PADI4: variants seen among roughly 807,000 people sequenced by gnomAD.
PADI4 encodes the protein peptidyl arginine deiminase 4.
A neutral mutation model predicts 75.0 loss-of-function variants in PADI4; 62 were observed. That is an observed-to-expected ratio of 0.83 (90% CI 0.67 to 1.02). PADI4 has a LOEUF of 1.02. PADI4 is among the 50% of genes least tolerant of loss of function. The pLI is 0.00. For missense variants in PADI4, 845 were observed against 850.5 expected (o/e 0.99, Z 0.08); for synonymous variants, 361 against 348.1 (o/e 1.04, Z -0.41).
intron 8 of PADI4, among the ~76,000 whole-genome samples, chr1:17,343,579 C>A (rs2074461167): frequency 6.6e-6 from 1 of 152,184 alleles, no homozygotes; most frequent in African/African-American, 2.4e-5. Context: ...CCACCCAAAT[C>A]TTATCTTGAA....
intron 10 of PADI4, among the ~76,000 whole-genome samples, chr1:17,351,883 GTGGTAGAAA>G (rs1367760420): frequency 7.2e-5 from 11 of 152,196 alleles, no homozygotes; most frequent in Non-Finnish European, 1.5e-4. Context: ...GAGATAGGAG[GTGGTAGAAA>G]AGGCAGTCAG....
At chr1:17,347,907 C>A in intron 9 of PADI4, 34 bp from the exon 10 acceptor site, 2 of 1,285,926 alleles carry the variant, frequency 1.6e-6, no homozygotes, top group Non-Finnish European at 1.1e-6. Context: ...CCAGGCAGCA[C>A]GCGCAACAGC....
chr1:17,323,369 C>A (rs566036714), intron 1 of PADI4, among the ~76,000 whole-genome samples: 24 of 152,200 alleles, frequency 1.6e-4, no homozygotes, highest in Non-Finnish European at 2.6e-4. Flanking sequence ...CCAGCCCATA[C>A]TCAAGGGGAG....
intron 3 of PADI4, among the ~76,000 whole-genome samples, chr1:17,335,139 A>T (rs2074287545): frequency 7.3e-6 from 1 of 137,734 alleles, no homozygotes; most frequent in East Asian, 2.1e-4. Flanking sequence ...AGTCTCAAAA[A>T]CTAAAAAATA....
rs1241908854 is a variant in PADI4 at position 17,325,742 on chromosome 1, T to TCTGTTACTCAGC, written c.93-5220_93-5219insTCAGCCTGTTAC. ...TTTTTTTTTTTAAACAGAGTCTCAC[T>TCTGTTACTCAGC]CTGTTACCCAGGCTGGAGTGCAATG... On this transcript the variant is annotated intron_variant, in intron 1 of 15. Coordinates refer to ENST00000375448, the MANE Select transcript of PADI4 (RefSeq NM_012387.3). Among the ~76,000 whole-genome samples, 161 of 151,648 alleles carry TCTGTTACTCAGC rather than the reference T, an allele frequency of 1.1e-3. 1 individual carries two copies. Among genetic ancestry groups the TCTGTTACTCAGC allele is most frequent in the Non-Finnish European group, 2.0e-3 (133 of 67,948 alleles).
chr1:17,338,174 C>G lies in PADI4; in HGVS notation c.526+19C>G. Reference sequence around the variant, plus strand: ...AGCGAAGGTAAAGAGCATTTGCTAGCTAACGGGAAGGGCTTTTTATAAAGC... The same window carrying G: ...AGCGAAGGTAAAGAGCATTTGCTAGGTAACGGGAAGGGCTTTTTATAAAGC... On this transcript the variant is annotated intron_variant, in intron 5 of 15. Transcript: ENST00000375448. 6.6e-7 allele frequency: 1 copy of G among 1,520,196 alleles called. No individual in the cohort carries two copies. Among genetic ancestry groups the G allele is most frequent in the East Asian group, 2.3e-5 (1 of 44,304 alleles). 94.2% of individuals were successfully genotyped at this position (1,520,196 alleles called of 1,614,324 possible).
chr1:17,315,065 C>T (rs1325072681), intron 1 of PADI4, among the ~76,000 whole-genome samples: 3 of 152,220 alleles, frequency 2.0e-5, no homozygotes, highest in Non-Finnish European at 4.4e-5. Flanking sequence ...GGTGGGAAAG[C>T]CACCACCTGA....
At chr1:17,310,733 G>C (rs2100642363) in intron 1 of PADI4, among the ~76,000 whole-genome samples, 1 of 152,236 alleles carries the variant, frequency 6.6e-6, no homozygotes, top group South Asian at 2.1e-4. Flanking sequence ...GGCCAAGATG[G>C]GCAAATCACT....
At chr1:17,317,271 G>A (rs150360720) in intron 1 of PADI4, among the ~76,000 whole-genome samples, 1 of 151,092 alleles carries the variant, frequency 6.6e-6, no homozygotes, top group South Asian at 2.1e-4. Context: ...AACAATGCAC[G>A]CCACAGACAT....
chr1:17,349,722 GAAAA>G lies in PADI4; in HGVS notation c.1155+1676_1155+1679del, dbSNP rs1557573605. Reference sequence around the variant, plus strand: ...TGTATCAAAAAAAAAAAAAAAGAAAGAAAAAGAAAAAACAACAACAAAAAACACC... The same window carrying G: ...TGTATCAAAAAAAAAAAAAAAGAAAGAGAAAAAACAACAACAAAAAACACC... On this transcript the variant is annotated intron_variant, in intron 10 of 15. Transcript: ENST00000375448. 2.7e-5 allele frequency among the ~76,000 whole-genome samples: 2 copies of G among 73,092 alleles called. 1 individual carries two copies. The highest frequency in any genetic ancestry group is 7.0e-5 in the Non-Finnish European group (2 of 28,610). The allele number at this position is 73,092 out of a possible 152,430, so 48.0% of individuals were successfully genotyped here.
At chr1:17,326,783 AT>A (rs1368617337) in intron 1 of PADI4, among the ~76,000 whole-genome samples, 2 of 151,152 alleles carry the variant, frequency 1.3e-5, no homozygotes, top group East Asian at 3.9e-4. Context: ...TCATTACTTA[AT>A]TTTTATCTGC....
At chr1:17,348,418 T>C (rs575525606) in intron 10 of PADI4, among the ~76,000 whole-genome samples, 16 of 151,984 alleles carry the variant, frequency 1.1e-4, no homozygotes, top group Non-Finnish European at 2.4e-4. Context: ...GTCTTATGGG[T>C]GGTGTTTGGT....
chr1:17,351,227 C>T (rs1318327194), intron 10 of PADI4, among the ~76,000 whole-genome samples: 3 of 143,856 alleles, frequency 2.1e-5, no homozygotes, highest in Non-Finnish European at 3.0e-5. Flanking sequence ...AAAAGAGCTA[C>T]AGGGAAAGAC....
At chr1:17,313,878 G>A (rs2073888832) in intron 1 of PADI4, among the ~76,000 whole-genome samples, 1 of 152,208 alleles carries the variant, frequency 6.6e-6, no homozygotes, top group South Asian at 2.1e-4. Flanking sequence ...CACGCTTGAG[G>A]GCATGCACAC....
Position 17,358,863 on chromosome 1 carries a change from C to T in PADI4, c.1584C>T (p.Asn528=), listed in dbSNP as rs1398785043. 6.2e-7 allele frequency: 1 copy of T among 1,606,058 alleles called. No individual in the cohort carries two copies. The highest frequency in any genetic ancestry group is 1.7e-5 in the Admixed American group (1 of 59,178). ...IKKKKQQKIK[N]ILSNKTLREH... is the part of the protein sequence containing the mutation. The stretch of plus-strand genomic sequence containing the variant: ...AAAAAAAACAGCAGAAAATAAAGAA[C>T]ATTCTGTCAAACAAGACATTGAGAG... The change falls in exon 14 of 16, where the codon AAC becomes AAT. Residue 528 remains asparagine, a synonymous_variant. Transcript: ENST00000375448.
chr1:17,350,789 G>T lies in PADI4; in HGVS notation c.1155+2741G>T, dbSNP rs1301045811. ...CACTTGAGATATGACAGGGAGCAAC[G>T]CCAAGGTCCCTGACCTCACGGAGGG... On this transcript the variant is annotated intron_variant, in intron 10 of 15. Coordinates refer to ENST00000375448, the MANE Select transcript of PADI4 (RefSeq NM_012387.3). Among the ~76,000 whole-genome samples, 2 of 130,112 alleles carry T rather than the reference G, an allele frequency of 1.5e-5. 1 individual carries two copies. Among genetic ancestry groups the T allele is most frequent in the African/African-American group, 5.0e-5 (2 of 40,060 alleles). 85.4% of individuals were successfully genotyped at this position (130,112 alleles called of 152,430 possible). A position where few individuals can be genotyped will look rare whatever the true frequency, so the allele number is the denominator to read the frequency against.
intron 10 of PADI4, among the ~76,000 whole-genome samples, chr1:17,351,309 A>G (rs893127509): frequency 2.6e-5 from 4 of 151,050 alleles, no homozygotes; most frequent in African/African-American, 9.7e-5. Flanking sequence ...ACATTCTTAA[A>G]GCCGAGTCTG....
At chr1:17,349,433 G>T (rs2074580382) in intron 10 of PADI4, among the ~76,000 whole-genome samples, 1 of 152,140 alleles carries the variant, frequency 6.6e-6, no homozygotes, top group Non-Finnish European at 1.5e-5. Context: ...GGCCAGGTGT[G>T]GTGGCTGACA....
intron 10 of PADI4, among the ~76,000 whole-genome samples, chr1:17,352,808 G>A (rs1009284886): frequency 5.3e-5 from 8 of 152,330 alleles, no homozygotes; most frequent in Middle Eastern, 3.4e-3. Flanking sequence ...TCAAGTGAGC[G>A]TGGATACACA....
Sources: gnomAD v4.1 joint callset for allele counts (sites outside exome capture counted in the v4.1 genomes callset) on GRCh38, gnomAD v4.1.1 for gene constraint, MANE v1.5 for transcripts, NCBI Gene and HGNC (gene_info 2026-07-23, HGNC 2026-07-21) for gene names.